Variants in RALGDS observed in about 807,000 individuals in gnomAD.
The protein encoded by RALGDS is ral guanine nucleotide dissociation stimulator, also known as ral guanine nucleotide exchange factor.
RALGDS carries 44 observed loss-of-function variants against 99.8 expected under a neutral mutation model. That is an observed-to-expected ratio of 0.44 (90% CI 0.35 to 0.57). The LOEUF (loss-of-function observed/expected upper bound fraction) is 0.57. RALGDS is among the 20% of genes least tolerant of loss of function. The pLI is 0.01. For missense variants in RALGDS, 1,022 were observed against 1,203.1 expected (o/e 0.85, Z 2.23); for synonymous variants, 529 against 505.0 (o/e 1.05, Z -0.64).
chr9:133,134,700 TGG>T (rs758987972), upstream of RALGDS, among the ~76,000 whole-genome samples: 236 of 152,310 alleles, frequency 1.5e-3, no homozygotes, highest in Non-Finnish European at 2.8e-3. Flanking sequence ...AGGCCTAGGC[TGG>T]GGACTCTGAC....
At chr9:133,102,935 G>A (rs1554738691) in intron 12 of RALGDS, 35 bp from the exon 13 acceptor site, 2 of 1,610,432 alleles carry the variant, frequency 1.2e-6, no homozygotes, top group African/African-American at 1.3e-5. Context: ...CGGTGACAAG[G>A]CCCCCCGGGC....
intron 1 of RALGDS, among the ~76,000 whole-genome samples, chr9:133,116,922 G>C (rs1267691171): frequency 6.6e-6 from 1 of 152,246 alleles, no homozygotes; most frequent in Non-Finnish European, 1.5e-5. Context: ...ATGTGGAGGA[G>C]GGGCCAGAGA....
chr9:133,134,386 G>A (rs1367687679), upstream of RALGDS, among the ~76,000 whole-genome samples: 2 of 152,158 alleles, frequency 1.3e-5, no homozygotes, highest in East Asian at 1.9e-4. Context: ...GTCTGGCGCC[G>A]CCTTTAGCAC....
chr9:133,134,748 G>A (rs1832397775), upstream of RALGDS, among the ~76,000 whole-genome samples: 1 of 152,112 alleles, frequency 6.6e-6, no homozygotes, highest in Non-Finnish European at 1.5e-5. Flanking sequence ...CTCCAACCTG[G>A]CGCCTAAACC....
upstream of RALGDS, among the ~76,000 whole-genome samples, chr9:133,134,242 C>G (rs1832390368): frequency 6.6e-6 from 1 of 152,248 alleles, no homozygotes; most frequent in South Asian, 2.1e-4. Context: ...CTCTTTGGCT[C>G]TGACTAGGAG....
intron 16 of RALGDS, 65 bp downstream of exon 16, chr9:133,101,455 C>G (rs555140087): frequency 6.2e-7 from 1 of 1,605,278 alleles, no homozygotes; most frequent in East Asian, 2.2e-5. Flanking sequence ...AGGGATGGTG[C>G]ACTGTGTTCA....
intron 12 of RALGDS, 117 bp downstream of exon 12, chr9:133,103,113 T>C (rs1348309622): frequency 2.1e-6 from 3 of 1,446,314 alleles, no homozygotes; most frequent in African/African-American, 2.8e-5. Context: ...CCCTTCTCTC[T>C]GTGTCCAAAT....
At chr9:133,098,967 C>CTTGT (rs1830621214) in intron 17 of RALGDS, 1 of 585,136 alleles carries the variant, frequency 1.7e-6, no homozygotes, top group South Asian at 2.0e-5. Flanking sequence ...CCTGATGACT[C>CTTGT]TTGTTTAAAC....
rs550775460 is a variant in RALGDS, at chr9:133,144,354, G to A, written c.18+4609C>T. On this transcript the variant is annotated intron_variant, in intron 1 of 17. Transcript: ENST00000393160. This position sits in a 1 kb window ranked among gnomAD's most constrained non-coding sequence, Gnocchi z 4.5. Reference sequence around the variant, plus strand: ...CTGACACCACGGTCTGCAAACCATGGTCCTCCTCGCCACCCCTGTCACCTC... The same window carrying A: ...CTGACACCACGGTCTGCAAACCATGATCCTCCTCGCCACCCCTGTCACCTC... Among the ~76,000 whole-genome samples the A allele has an allele frequency of 1.3e-5, 2 of 151,938 alleles. No homozygotes were observed. The highest frequency in any genetic ancestry group is 6.6e-5 in the Admixed American group (1 of 15,260).
chr9:133,119,881 G>C (rs980285187), intron 1 of RALGDS, among the ~76,000 whole-genome samples: 1 of 152,172 alleles, frequency 6.6e-6, no homozygotes, highest in African/African-American at 2.4e-5. Flanking sequence ...TAGGTACCGG[G>C]ACACCAAGAG....
intron 2 of RALGDS, among the ~76,000 whole-genome samples, chr9:133,110,780 A>G (rs1336959461): frequency 6.6e-6 from 1 of 152,006 alleles, no homozygotes; most frequent in Non-Finnish European, 1.5e-5. Context: ...AATTGTTTAC[A>G]AAACTTAAAA....
In RALGDS at chr9:133,130,797, G is replaced by T. The variant is rs114989545; in HGVS notation, c.132+155C>A. Among the ~76,000 whole-genome samples, 839 of 152,298 alleles carry T rather than the reference G, an allele frequency of 5.5e-3. 8 individuals carry two copies. The highest frequency in any genetic ancestry group is 0.02 in the African/African-American group (813 of 41,550). The stretch of plus-strand genomic sequence containing the variant: ...CCAGAGAGAGCAGGGACTTGCCCAA[G>T]ATCTCACAGGAAAAGTGTCTGTCCA... On this transcript the variant is annotated intron_variant, in intron 1 of 17. Coordinates refer to the RALGDS transcript ENST00000372062.
chr9:133,111,720 C>A (rs530233731), intron 2 of RALGDS, among the ~76,000 whole-genome samples: 2 of 152,302 alleles, frequency 1.3e-5, no homozygotes, highest in East Asian at 3.9e-4. Flanking sequence ...CCTGGAGGAA[C>A]CCCAGGGATG....
chr9:133,106,621 G>A (rs1429072484), intron 8 of RALGDS, 24 bp downstream of exon 8: 27 of 1,547,702 alleles, frequency 1.7e-5, no homozygotes, highest in Non-Finnish European at 2.3e-5. Flanking sequence ...GGTGCACCAG[G>A]AGCTCCTACA....
chr9:133,136,472 T>C (rs549500249), intron 1 of RALGDS, among the ~76,000 whole-genome samples: 193 of 151,254 alleles, frequency 1.3e-3, no homozygotes, highest in South Asian at 2.5e-3. Flanking sequence ...ACCCTGCATC[T>C]ACTAAAAATA....
Position 133,102,002 on chromosome 9 carries a change from C to G in RALGDS, c.2147G>C (p.Ser716Thr). ...ALSVHSAGSS[S>T]SDVEEINISF... ...GATGTTGATCTCCTCCACGTCGGAG[C>G]TAGAGGAGCCGGCCGAGTGCACGCT... The change falls in exon 15 of 18, where the codon AGC becomes ACC. Residue 716 changes from serine to threonine, a missense_variant. Physicochemically the swap from Ser to Thr is moderately conservative, Grantham distance 58. Coordinates refer to ENST00000372050, the MANE Select transcript of RALGDS (RefSeq NM_006266.4). 3 of 1,552,400 alleles carry G rather than the reference C, an allele frequency of 1.9e-6. No individual in the cohort carries two copies. The highest frequency in any genetic ancestry group is 1.2e-5 in the South Asian group (1 of 84,154).
At chr9:133,138,672 C>G (rs1274477591) in intron 1 of RALGDS, among the ~76,000 whole-genome samples, 3 of 152,208 alleles carry the variant, frequency 2.0e-5, no homozygotes, top group African/African-American at 4.8e-5. Context: ...TGAGACAGAG[C>G]CTTGTTCTGT....
chr9:133,127,385 T>G (rs1378195660), intron 1 of RALGDS, among the ~76,000 whole-genome samples: 1 of 152,230 alleles, frequency 6.6e-6, no homozygotes, highest in Non-Finnish European at 1.5e-5. Flanking sequence ...GTACCCTGAC[T>G]CAGGTCAGGC....
chr9:133,127,458 T>C (rs1832195994), intron 1 of RALGDS, among the ~76,000 whole-genome samples: 1 of 152,234 alleles, frequency 6.6e-6, no homozygotes, highest in South Asian at 2.1e-4. Flanking sequence ...TTTCTGTCTC[T>C]TGTGATCTAT....
Sources: allele counts gnomAD v4.1 joint callset (sites outside exome capture counted in the v4.1 genomes callset), GRCh38; gene constraint gnomAD v4.1.1; non-coding constraint Gnocchi (gnomAD v3.1); transcripts MANE v1.5; gene names NCBI Gene and HGNC (gene_info 2026-07-23, HGNC 2026-07-21).